SLC6A11: variants seen among roughly 807,000 people sequenced by gnomAD.
SLC6A11 encodes sodium- and chloride-dependent GABA transporter 3.
A neutral mutation model predicts 74.8 loss-of-function variants in SLC6A11; 25 were observed. The observed-to-expected ratio is 0.33, with a 90% CI of 0.24 to 0.47. The LOEUF (loss-of-function observed/expected upper bound fraction) is 0.47. SLC6A11 is among the 20% of genes least tolerant of loss of function. The pLI is 1.00. For synonymous variants in SLC6A11, 330 were observed against 330.2 expected (o/e 1.00, Z 0.01); for missense variants, 574 against 837.0 (o/e 0.69, Z 3.88).
At chr3:10,927,352 C>T (rs1575706780) in intron 9 of SLC6A11, among the ~76,000 whole-genome samples, 1 of 152,316 alleles carries the variant, frequency 6.6e-6, no homozygotes, top group African/African-American at 2.4e-5. Context: ...CCTGGGGGCC[C>T]GAGGTCTGGC....
At chr3:10,882,763 G>T (rs1694997270) in intron 6 of SLC6A11, among the ~76,000 whole-genome samples, 1 of 152,178 alleles carries the variant, frequency 6.6e-6, no homozygotes, top group Admixed American at 6.5e-5. Flanking sequence ...GCGAGGAAAT[G>T]GGAGTCACTC....
chr3:10,918,596 C>G lies in SLC6A11; in HGVS notation c.1120+143C>G, dbSNP rs527660440. 110 of 870,278 alleles carry G rather than the reference C, an allele frequency of 1.3e-4. No individual in the cohort carries two copies. 53.9% of individuals were successfully genotyped at this position (870,278 alleles called of 1,614,324 possible). On this transcript the variant is annotated intron_variant, in intron 8 of 13. Coordinates refer to ENST00000254488, the MANE Select transcript of SLC6A11 (RefSeq NM_014229.3). The surrounding 1 kb of genome is among the most constrained non-coding windows in gnomAD (Gnocchi z 4.5). ...AGGGGCCCCACCATTCATCCACAAT[C>G]CAGGATCCTGGGAATTACCTAGGAG...
Position 10,826,736 on chromosome 3 carries a change from G to A in SLC6A11, c.623+3344G>A, listed in dbSNP as rs573748132. ...TGTCCTAGAAAATATTATATGAGAA[G>A]AGTCAAAGTGGGCTCTGGCAAGAAC... On this transcript the variant is annotated intron_variant, in intron 4 of 13. Coordinates refer to ENST00000254488, the MANE Select transcript of SLC6A11 (RefSeq NM_014229.3). 5.3e-5 allele frequency among the ~76,000 whole-genome samples: 8 copies of A among 152,316 alleles called. No individual in the cohort carries two copies. In the South Asian group the frequency reaches 1.7e-3, roughly 32 times the overall value.
At chr3:10,864,527 G>A (rs1694741298) in intron 5 of SLC6A11, among the ~76,000 whole-genome samples, 1 of 152,044 alleles carries the variant, frequency 6.6e-6, no homozygotes, top group South Asian at 2.1e-4. Context: ...TTGAAAGCCT[G>A]GCATCCCTCT....
At chr3:10,834,386 T>C (rs890818063) in intron 4 of SLC6A11, among the ~76,000 whole-genome samples, 8 of 150,684 alleles carry the variant, frequency 5.3e-5, no homozygotes, top group South Asian at 2.1e-4. Flanking sequence ...ATATATTTCA[T>C]AGGAAAAGGG....
At chr3:10,867,798 TA>T (rs1335957320) in intron 5 of SLC6A11, among the ~76,000 whole-genome samples, 4 of 152,248 alleles carry the variant, frequency 2.6e-5, no homozygotes, top group Admixed American at 2.6e-4. Context: ...GGTGCTGGTT[TA>T]TCTTTAGCAC....
chr3:10,917,400 G>T (rs1451736544), intron 7 of SLC6A11, among the ~76,000 whole-genome samples: 14 of 152,202 alleles, frequency 9.2e-5, no homozygotes, highest in Non-Finnish European at 2.1e-4. Flanking sequence ...ATGCCATGGA[G>T]GCTAGTCATG....
At chr3:10,933,383 A>G in intron 11 of SLC6A11, 130 bp downstream of exon 11, 1 of 676,584 alleles carries the variant, frequency 1.5e-6, no homozygotes, top group Non-Finnish European at 2.6e-6. Context: ...CTTACTCTTC[A>G]GGGATTCCTT....
Position 10,923,054 on chromosome 3 carries a change from G to T in SLC6A11, c.1121-2950G>T, listed in dbSNP as rs115878404. On this transcript the variant is annotated intron_variant, in intron 8 of 13. Coordinates refer to ENST00000254488, the MANE Select transcript of SLC6A11 (RefSeq NM_014229.3). ...TGCTAGAATGTCTTTTATTGGAATT[G>T]GAAGTATCAATATATTAAAATTCAT... 4.8e-3 allele frequency among the ~76,000 whole-genome samples: 732 copies of T among 152,132 alleles called. 9 individuals carry two copies. Among genetic ancestry groups the T allele is most frequent in the African/African-American group, 0.017 (702 of 41,498 alleles).
chr3:10,911,491 AG>A (rs1695388234), intron 6 of SLC6A11, among the ~76,000 whole-genome samples: 1 of 152,166 alleles, frequency 6.6e-6, no homozygotes, highest in Non-Finnish European at 1.5e-5. Flanking sequence ...CTGTTCTGAA[AG>A]GGAGAAGGAC....
rs1575712737 is a variant in SLC6A11 at position 10,940,683 on chromosome 3, T to G, written c.*2281T>G. On this transcript the variant is annotated 3_prime_UTR_variant, in exon 14 of 14. Coordinates refer to ENST00000254488, the MANE Select transcript of SLC6A11 (RefSeq NM_014229.3). ...AAAGGGTGCAAGATTGTCTGCTTAC[T>G]CATTTTTAAAAATTAAAGAAATGAA... 4 of 152,386 alleles carry G rather than the reference T, an allele frequency of 2.6e-5. No homozygotes were observed. The South Asian group carries it at 8.3e-4, about 32-fold the overall frequency. The allele number at this position is 152,386 out of a possible 1,614,324, so 9.4% of individuals were successfully genotyped here.
In SLC6A11 at chr3:10,926,008, C is replaced by T. The variant is rs149901093; in HGVS notation, c.1125C>T (p.Pro375=). ...TCTCTCTCTCCCTCGCTCCAGGCCC[C>T]GGCCTGGCCTTTATTGCGTACCCCA... is the stretch of plus-strand genomic sequence containing the variant. ...VPIAEVAESG[P]GLAFIAYPKA... is the part of the protein sequence containing the mutation. The change falls in exon 9 of 14, where the codon CCC becomes CCT. Residue 375 remains proline, a synonymous_variant. Coordinates refer to ENST00000254488, the MANE Select transcript of SLC6A11 (RefSeq NM_014229.3). The surrounding 1 kb of genome is among the most constrained non-coding windows in gnomAD (Gnocchi z 5.7). 5.6e-5 allele frequency: 89 copies of T among 1,593,612 alleles called. No individual in the cohort carries two copies. Among genetic ancestry groups the T allele is most frequent in the South Asian group, 4.3e-4 (39 of 90,456 alleles).
At chr3:10,867,704 C>T (rs550604163) in intron 5 of SLC6A11, among the ~76,000 whole-genome samples, 3 of 152,304 alleles carry the variant, frequency 2.0e-5, no homozygotes, top group South Asian at 4.1e-4. Context: ...AGTGATAATC[C>T]ATGAACCCAG....
chr3:10,820,732 C>G (rs1484154494), intron 3 of SLC6A11, among the ~76,000 whole-genome samples: 1 of 152,172 alleles, frequency 6.6e-6, no homozygotes, highest in Admixed American at 6.5e-5. Flanking sequence ...CAGAAGACAT[C>G]GCTAATCAAT....
At position 10,873,991 on chromosome 3, in the gene SLC6A11, C is replaced by CGCTACGCTACGCTACGCTATGCTAT. The variant is rs1553671319; in HGVS notation, c.757-966_757-965insCGCTACGCTACGCTATGCTATGCTA. Among the ~76,000 whole-genome samples the CGCTACGCTACGCTACGCTATGCTAT allele has an allele frequency of 2.9e-5, 4 of 136,402 alleles. No homozygotes were observed. The East Asian group carries it at 9.5e-4, about 32-fold the overall frequency. The allele number at this position is 136,402 out of a possible 152,430, so 89.5% of individuals were successfully genotyped here. ...TGCTATGCTACGCTACGCTACGCTA[C>CGCTACGCTACGCTACGCTATGCTAT]GCTATGCTATGCTATGCTATGCTAT... is the stretch of plus-strand genomic sequence containing the variant. On this transcript the variant is annotated intron_variant, in intron 5 of 13. Transcript: ENST00000254488.
In SLC6A11 at chr3:10,887,136, G is replaced by T. The variant is rs1319551536; in HGVS notation, c.891+12041G>T. Among the ~76,000 whole-genome samples the T allele has an allele frequency of 5.9e-5, 9 of 151,890 alleles. 1 individual carries two copies. Reference sequence around the variant, plus strand: ...GGATGGATGGAAGGAAGGATGCACAGATAGATGATAGATGGATGCATGAAT... The same window carrying T: ...GGATGGATGGAAGGAAGGATGCACATATAGATGATAGATGGATGCATGAAT... On this transcript the variant is annotated intron_variant, in intron 6 of 13. Coordinates refer to ENST00000254488, the MANE Select transcript of SLC6A11 (RefSeq NM_014229.3).
chr3:10,832,722 G>A (rs892641158), intron 4 of SLC6A11, among the ~76,000 whole-genome samples: 2 of 152,170 alleles, frequency 1.3e-5, no homozygotes, highest in Non-Finnish European at 2.9e-5. Context: ...TGTCCTGTCT[G>A]TCAAAGCATA....
At chr3:10,868,600 G>C (rs1694792322) in intron 5 of SLC6A11, among the ~76,000 whole-genome samples, 1 of 152,238 alleles carries the variant, frequency 6.6e-6, no homozygotes, top group Non-Finnish European at 1.5e-5. Flanking sequence ...TTCATGGACT[G>C]AGGGTTCTGA....
At chr3:10,873,035 A>G (rs1315152752) in intron 5 of SLC6A11, among the ~76,000 whole-genome samples, 2 of 152,070 alleles carry the variant, frequency 1.3e-5, no homozygotes, top group African/African-American at 4.8e-5. Flanking sequence ...GACAAAAGAG[A>G]AAAGTCAGAA....
Sources: allele counts gnomAD v4.1 joint callset (sites outside exome capture counted in the v4.1 genomes callset), GRCh38; gene constraint gnomAD v4.1.1; non-coding constraint Gnocchi (gnomAD v3.1); transcripts MANE v1.5; gene names NCBI Gene and HGNC (gene_info 2026-07-23, HGNC 2026-07-21).